Variants in ZNF385D observed in about 807,000 individuals in gnomAD.
The protein encoded by ZNF385D is zinc finger protein 659.
Under a neutral mutation model 35.8 loss-of-function variants are expected in ZNF385D, and 15 were observed. That is an observed-to-expected ratio of 0.42 (90% CI 0.28 to 0.64). The LOEUF is 0.64. ZNF385D is among the 30% of genes least tolerant of loss of function. ZNF385D has a pLI of 0.23. For synonymous variants in ZNF385D, 212 were observed against 186.8 expected (o/e 1.13, Z -1.10); for missense variants, 474 against 494.6 (o/e 0.96, Z 0.39).
In ZNF385D at chr3:21,868,700, G is replaced by A. The variant is rs913574958; in HGVS notation, c.326-203672C>T. ...TACACAGCAATTAAACATGTAAAGCGTATTAGTTCACATATGTAAATTAGA... is the reference window on the plus strand; with the variant it reads ...TACACAGCAATTAAACATGTAAAGCATATTAGTTCACATATGTAAATTAGA... On this transcript the variant is annotated intron_variant, in intron 3 of 5. Transcript: ENST00000494108. Among the ~76,000 whole-genome samples the A allele has an allele frequency of 1.1e-4, 16 of 152,182 alleles. No homozygotes were observed. In the East Asian group the frequency reaches 2.3e-3, roughly 22 times the overall value.
At chr3:22,359,560 C>T (rs184841441) in intron 2 of ZNF385D, among the ~76,000 whole-genome samples, 21 of 151,760 alleles carry the variant, frequency 1.4e-4, no homozygotes, top group Middle Eastern at 3.4e-3. Flanking sequence ...ATAATGATAA[C>T]GGAGCAATCA....
At chr3:21,700,067 G>A (rs1275613754) in intron 1 of ZNF385D, among the ~76,000 whole-genome samples, 1 of 151,998 alleles carries the variant, frequency 6.6e-6, no homozygotes, top group East Asian at 1.9e-4. Flanking sequence ...CCTGACTTCA[G>A]GTGATCAAAC....
At chr3:21,659,908 CTG>C (rs1308228039) in intron 2 of ZNF385D, among the ~76,000 whole-genome samples, 2 of 152,110 alleles carry the variant, frequency 1.3e-5, no homozygotes, top group African/African-American at 4.8e-5. Context: ...GATTCAGAAT[CTG>C]TACTTTTAAC....
chr3:21,486,979 T>C (rs367888099), intron 4 of ZNF385D, among the ~76,000 whole-genome samples: 1 of 152,092 alleles, frequency 6.6e-6, no homozygotes, highest in Non-Finnish European at 1.5e-5. Flanking sequence ...TGGCAGACAA[T>C]GGCAAAACCG....
At chr3:22,165,167 G>C (rs981168248) in intron 3 of ZNF385D, among the ~76,000 whole-genome samples, 1 of 152,224 alleles carries the variant, frequency 6.6e-6, no homozygotes. Context: ...TTGGGTGATA[G>C]TGATGTGTTG....
intron 2 of ZNF385D, among the ~76,000 whole-genome samples, chr3:22,309,836 T>A (rs1005079161): frequency 1.3e-5 from 2 of 151,976 alleles, no homozygotes; most frequent in African/African-American, 2.4e-5. Context: ...TTACCTTCCC[T>A]TGATATCCAA....
intron 2 of ZNF385D, among the ~76,000 whole-genome samples, chr3:22,179,895 A>G (rs576133512): frequency 2.0e-3 from 308 of 152,298 alleles, no homozygotes; most frequent in African/African-American, 7.0e-3. Flanking sequence ...GCAAGAGCAA[A>G]CACATTCAAA....
chr3:22,371,020 AAG>A (rs1696879019), intron 2 of ZNF385D, among the ~76,000 whole-genome samples: 1 of 152,224 alleles, frequency 6.6e-6, no homozygotes, highest in African/African-American at 2.4e-5. Flanking sequence ...TAGCTCCATG[AAG>A]AGAGTGCTCA....
chr3:22,210,102 C>A (rs570489341), intron 2 of ZNF385D, among the ~76,000 whole-genome samples: 195 of 151,690 alleles, frequency 1.3e-3, no homozygotes, highest in Admixed American at 2.8e-3. Context: ...ACCATTTATA[C>A]CAGCCAAGTC....
At chr3:22,322,405 C>G (rs1694482643) in intron 2 of ZNF385D, among the ~76,000 whole-genome samples, 1 of 152,008 alleles carries the variant, frequency 6.6e-6, no homozygotes, top group African/African-American at 2.4e-5. Context: ...CCTCCAGATA[C>G]TATTTCACTG....
chr3:21,699,334 G>A lies in ZNF385D; in HGVS notation c.23-34306C>T, dbSNP rs189490236. On this transcript the variant is annotated intron_variant, in intron 1 of 7. Transcript: ENST00000281523. ...AGGGGAACATCACACACCGGGGCCT[G>A]TCAGGGGGTGAGGGGCTAGGGGAGG... Among the ~76,000 whole-genome samples the A allele has an allele frequency of 5.0e-3, 765 of 152,104 alleles. 6 individuals carry two copies. The highest frequency in any genetic ancestry group is 0.015 in the African/African-American group (638 of 41,480).
Position 22,123,910 on chromosome 3 carries a change from G to A in ZNF385D, c.325+44907C>T, listed in dbSNP as rs1366980002. 2.8e-5 allele frequency among the ~76,000 whole-genome samples: 4 copies of A among 141,768 alleles called. No individual in the cohort carries two copies. The South Asian group carries it at 9.0e-4, about 32-fold the overall frequency. 93.0% of individuals were successfully genotyped at this position (141,768 alleles called of 152,430 possible). ...CCAAACAAAAACAAAACAAAAACTA[G>A]AGCTAGACTCCATCTCTCTCTCTCT... On this transcript the variant is annotated intron_variant, in intron 3 of 5. Coordinates refer to the ZNF385D transcript ENST00000494108.
chr3:22,297,295 A>C (rs1702640383), intron 2 of ZNF385D, among the ~76,000 whole-genome samples: 1 of 151,978 alleles, frequency 6.6e-6, no homozygotes, highest in South Asian at 2.1e-4. Context: ...GACATATCCC[A>C]AATCAATCCA....
At chr3:21,858,763 C>T (rs1696875465) in intron 3 of ZNF385D, among the ~76,000 whole-genome samples, 1 of 152,038 alleles carries the variant, frequency 6.6e-6, no homozygotes, top group Non-Finnish European at 1.5e-5. Flanking sequence ...ATCCATGTTC[C>T]CGAATTTTAT....
chr3:21,798,810 T>C (rs1435357491), intron 3 of ZNF385D, among the ~76,000 whole-genome samples: 1 of 152,158 alleles, frequency 6.6e-6, no homozygotes, highest in Non-Finnish European at 1.5e-5. Context: ...TTTTATAAAG[T>C]AAAATTTGCA....
At chr3:21,734,050 T>G (rs2069133236) in intron 1 of ZNF385D, among the ~76,000 whole-genome samples, 1 of 152,216 alleles carries the variant, frequency 6.6e-6, no homozygotes, top group African/African-American at 2.4e-5. Flanking sequence ...TCAGAGAATA[T>G]TCACTTATGT....
chr3:21,808,619 T>C (rs557748305), intron 3 of ZNF385D, among the ~76,000 whole-genome samples: 1 of 152,330 alleles, frequency 6.6e-6, no homozygotes, highest in South Asian at 2.1e-4. Context: ...TGGACTGTTG[T>C]CAATTATTCC....
intron 2 of ZNF385D, among the ~76,000 whole-genome samples, chr3:21,662,299 A>G (rs2066262266): frequency 6.6e-6 from 1 of 152,140 alleles, no homozygotes; most frequent in Non-Finnish European, 1.5e-5. Flanking sequence ...ATGAATGCCT[A>G]TGTGGATAAA....
chr3:22,244,809 AT>A (rs1282614119), intron 2 of ZNF385D, among the ~76,000 whole-genome samples: 4 of 150,464 alleles, frequency 2.7e-5, no homozygotes, highest in Non-Finnish European at 5.9e-5. Context: ...TTTTGGGGGA[AT>A]TTTTTTCCTT....
Sources: gnomAD v4.1 joint callset for allele counts (sites outside exome capture counted in the v4.1 genomes callset) on GRCh38, gnomAD v4.1.1 for gene constraint, MANE v1.5 for transcripts, NCBI Gene and HGNC (gene_info 2026-07-23, HGNC 2026-07-21) for gene names.